The following EPHA6 variants were observed in gnomAD, a reference collection of about 807,000 sequenced individuals.
EPHA6 encodes the protein EPH receptor A6.
EPHA6 carries 50 observed loss-of-function variants against 112.0 expected under a neutral mutation model. The ratio of observed to expected loss-of-function variants is 0.45; its 90% CI spans 0.36 to 0.56. The LOEUF (loss-of-function observed/expected upper bound fraction) is 0.56, where lower values mean the gene tolerates loss of function less well. Among genes scored for constraint, EPHA6 ranks in the 20% least tolerant of loss-of-function variants. EPHA6 has a pLI of 0.00. For synonymous variants in EPHA6, 529 were observed against 490.7 expected (o/e 1.08, Z -1.03); for missense variants, 1,280 against 1,417.4 (o/e 0.90, Z 1.56).
At chr3:96,896,851 A>G (rs1434514563) in intron 2 of EPHA6, among the ~76,000 whole-genome samples, 2 of 152,140 alleles carry the variant, frequency 1.3e-5, no homozygotes, top group African/African-American at 4.8e-5. Context: ...TTATCCATTC[A>G]AGTTGAATAG....
intron 5 of EPHA6, among the ~76,000 whole-genome samples, chr3:97,369,786 T>C (rs923297801): frequency 1.3e-5 from 2 of 152,212 alleles, no homozygotes; most frequent in African/African-American, 4.8e-5. Context: ...TTGTATGTGG[T>C]AAATAATATC....
At chr3:97,101,382 C>G (rs116291036) in intron 3 of EPHA6, among the ~76,000 whole-genome samples, 2,031 of 152,100 alleles carry the variant, frequency 0.013, 42 homozygotes, top group African/African-American at 0.044. Flanking sequence ...TGCCCGCTCT[C>G]TCCAATTTGT....
intron 3 of EPHA6, among the ~76,000 whole-genome samples, chr3:97,222,062 C>A (rs1474591625): frequency 6.6e-6 from 1 of 151,256 alleles, no homozygotes; most frequent in African/African-American, 2.4e-5. Flanking sequence ...AAACAAAAAC[C>A]CTAAAACCTA....
intron 3 of EPHA6, among the ~76,000 whole-genome samples, chr3:97,171,988 C>T (rs1207664414): frequency 2.0e-5 from 3 of 152,040 alleles, no homozygotes; most frequent in African/African-American, 7.2e-5. Context: ...CAATTCAATA[C>T]TGAGGTAGAG....
chr3:97,210,178 T>C (rs1576686877), intron 3 of EPHA6, among the ~76,000 whole-genome samples: 2 of 152,148 alleles, frequency 1.3e-5, no homozygotes, highest in East Asian at 3.9e-4. Flanking sequence ...GTTAGTAATA[T>C]AAAGAACTGC....
At chr3:97,152,892 C>A (rs75421744) in intron 3 of EPHA6, among the ~76,000 whole-genome samples, 2,631 of 152,138 alleles carry the variant, frequency 0.017, 23 homozygotes, top group Non-Finnish European at 0.025. Flanking sequence ...CCTATGAATT[C>A]TCTTCTATTA....
intron 3 of EPHA6, among the ~76,000 whole-genome samples, chr3:97,161,501 G>A (rs2076414654): frequency 6.6e-6 from 1 of 152,194 alleles, no homozygotes; most frequent in East Asian, 1.9e-4. Context: ...TCTTATTCTT[G>A]GCTCCACTCA....
intron 2 of EPHA6, among the ~76,000 whole-genome samples, chr3:96,868,855 T>C (rs544438851): frequency 1.3e-5 from 2 of 152,140 alleles, no homozygotes; most frequent in South Asian, 4.1e-4. Flanking sequence ...GATTTTTCTT[T>C]TTACTTAAAT....
intron 5 of EPHA6, among the ~76,000 whole-genome samples, chr3:97,264,261 C>T (rs2079599584): frequency 6.6e-6 from 1 of 152,192 alleles, no homozygotes; most frequent in Admixed American, 6.5e-5. Flanking sequence ...CCCATGCCTC[C>T]AAGGGAGAAT....
chr3:96,872,197 A>C (rs1386128378), intron 2 of EPHA6, among the ~76,000 whole-genome samples: 2 of 152,042 alleles, frequency 1.3e-5, no homozygotes, highest in Admixed American at 6.6e-5. Flanking sequence ...TTCTCTTATA[A>C]TCATTTGCAG....
intron 12 of EPHA6, among the ~76,000 whole-genome samples, chr3:97,609,561 A>G (rs2093702901): frequency 6.6e-6 from 1 of 151,456 alleles, no homozygotes. Flanking sequence ...CTTGGGTTCT[A>G]ATTTTATGCA....
Position 97,555,540 on chromosome 3 carries a change from C to T in EPHA6, c.2386+22997C>T, listed in dbSNP as rs369110214. ...ACAATGGTTGAACTAGTTTACAGTC[C>T]CAACAGTGTAAAAGTGTTCTTATTT... On this transcript the variant is annotated intron_variant, in intron 11 of 17. Coordinates refer to ENST00000389672, the MANE Select transcript of EPHA6 (RefSeq NM_001080448.3). Among the ~76,000 whole-genome samples the T allele has an allele frequency of 2.0e-5, 3 of 152,082 alleles. No homozygotes were observed. The East Asian group carries it at 5.8e-4, about 29-fold the overall frequency.
At chr3:96,938,028 A>C (rs1190135621) in intron 2 of EPHA6, among the ~76,000 whole-genome samples, 15 of 148,890 alleles carry the variant, frequency 1.0e-4, no homozygotes, top group African/African-American at 2.3e-4. Context: ...GTATAGTTTG[A>C]AGTCAGGTAG....
At chr3:97,158,027 A>C (rs1436420691) in intron 3 of EPHA6, among the ~76,000 whole-genome samples, 1 of 152,156 alleles carries the variant, frequency 6.6e-6, no homozygotes, top group Non-Finnish European at 1.5e-5. Flanking sequence ...CTTCTCCAAA[A>C]AAAGACAATA....
At chr3:97,491,953 G>C (rs539610968) in intron 10 of EPHA6, among the ~76,000 whole-genome samples, 1 of 152,134 alleles carries the variant, frequency 6.6e-6, no homozygotes, top group Non-Finnish European at 1.5e-5. Context: ...TATTTAACAA[G>C]GTAGAAAAAT....
chr3:97,590,107 T>A (rs185934157), intron 11 of EPHA6: 1 of 152,208 alleles, frequency 6.6e-6, no homozygotes, highest in African/African-American at 2.4e-5. Flanking sequence ...TCTGTTGATA[T>A]AACTGACCTT....
At chr3:97,330,119 G>C (rs1315208113) in intron 5 of EPHA6, among the ~76,000 whole-genome samples, 3 of 151,838 alleles carry the variant, frequency 2.0e-5, no homozygotes, top group Non-Finnish European at 4.4e-5. Context: ...TCAAAGATCA[G>C]ATGGTTGTAG....
intron 1 of EPHA6, among the ~76,000 whole-genome samples, chr3:96,858,687 G>A (rs1158630755): frequency 6.6e-6 from 1 of 152,040 alleles, no homozygotes; most frequent in African/African-American, 2.4e-5. Flanking sequence ...TCGTATGATG[G>A]ATGTTGGTTA....
At chr3:97,128,195 C>CT (rs1217616988) in intron 3 of EPHA6, among the ~76,000 whole-genome samples, 5 of 152,118 alleles carry the variant, frequency 3.3e-5, no homozygotes, top group African/African-American at 1.2e-4. Context: ...TGATTTTATT[C>CT]TTTTTTGTGG....
Sources: allele counts gnomAD v4.1 joint callset (sites outside exome capture counted in the v4.1 genomes callset), GRCh38; gene constraint gnomAD v4.1.1; transcripts MANE v1.5; gene names NCBI Gene and HGNC (gene_info 2026-07-23, HGNC 2026-07-21).